Variants in PCCB observed in about 807,000 individuals in gnomAD.
The protein encoded by PCCB is propionyl-CoA carboxylase subunit beta.
PCCB carries 43 observed loss-of-function variants against 60.7 expected under a neutral mutation model. The ratio of observed to expected loss-of-function variants is 0.71; its 90% CI spans 0.55 to 0.91. PCCB has a LOEUF of 0.91. Among genes scored for constraint, PCCB ranks in the 40% least tolerant of loss-of-function variants. PCCB has a pLI of 0.00. For synonymous variants in PCCB, 276 were observed against 255.9 expected, an observed-to-expected ratio of 1.08 and a Z score of -0.75; for missense variants, 766 against 702.8, an observed-to-expected ratio of 1.09 and a Z score of -1.02.
chr3:136,257,240 G>T (rs117503243), intron 3 of PCCB, among the ~76,000 whole-genome samples: 1 of 152,274 alleles, frequency 6.6e-6, no homozygotes, highest in East Asian at 1.9e-4. Context: ...GAGGGAGGTA[G>T]AAGAGGAGCT....
chr3:136,321,095 C>T (rs550332939), intron 10 of PCCB, among the ~76,000 whole-genome samples: 1 of 152,168 alleles, frequency 6.6e-6, no homozygotes, highest in South Asian at 2.1e-4. Context: ...TTTGTCCTTC[C>T]TTTTGTTAAC....
intron 5 of PCCB, among the ~76,000 whole-genome samples, chr3:136,264,440 G>GTGTGTGTATATATATATATATATATA: frequency 1.6e-5 from 2 of 123,856 alleles, no homozygotes; most frequent in African/African-American, 6.0e-5. Context: ...ATGTGTGTGT[G>GTGTGTGTATATATATATATATATATA]TATATATGTA....
At position 136,302,316 on chromosome 3, in the gene PCCB, G is replaced by C. The variant is rs543244456; in HGVS notation, c.966+1205G>C. On this transcript the variant is annotated intron_variant, in intron 9 of 14. Coordinates refer to ENST00000251654, the MANE Select transcript of PCCB (RefSeq NM_000532.5). ...TCCAATCCTTCCCCTGGAAGTTGCA[G>C]TCTTTCAACAGACGCCAGAGTCAAA... Among the ~76,000 whole-genome samples, 2 of 121,888 alleles carry C rather than the reference G, an allele frequency of 1.6e-5. 1 individual carries two copies. The highest frequency in any genetic ancestry group is 6.5e-4 in the South Asian group (2 of 3,080). The allele number at this position is 121,888 out of a possible 152,430, so 80.0% of individuals were successfully genotyped here.
intron 10 of PCCB, among the ~76,000 whole-genome samples, chr3:136,318,385 A>C (rs553018): frequency 0.37 from 56,504 of 151,216 alleles, 12,464 homozygotes; most frequent in East Asian, 0.81. Context: ...CCACCTCCCC[A>C]AAAAAAAAAT....
chr3:136,311,023 G>A (rs1319939384), intron 9 of PCCB, among the ~76,000 whole-genome samples: 1 of 152,092 alleles, frequency 6.6e-6, no homozygotes, highest in Non-Finnish European at 1.5e-5. Context: ...AGTATAGGAT[G>A]CCCATTATTC....
rs755682937 is a variant in PCCB, at chr3:136,316,928, T to C, written c.967-13T>C. On this transcript the variant is annotated splice_polypyrimidine_tract_variant and intron_variant, in intron 9 of 14. Transcript: ENST00000251654. ...TTACCATTTTGAGCTCAGAAGTAAA[T>C]TTATTCCTGCAGGTTGTTGATGAGC... 7 of 1,613,880 alleles carry C rather than the reference T, an allele frequency of 4.3e-6. No homozygotes were observed. The highest frequency in any genetic ancestry group is 5.9e-6 in the Non-Finnish European group (7 of 1,179,816).
intron 5 of PCCB, among the ~76,000 whole-genome samples, chr3:136,267,845 C>T (rs1942046813): frequency 6.7e-6 from 1 of 149,224 alleles, no homozygotes; most frequent in Non-Finnish European, 1.5e-5. Context: ...ATCAAGTTTT[C>T]TTTTGTGGGT....
intron 6 of PCCB, among the ~76,000 whole-genome samples, chr3:136,288,195 C>G (rs1244882645): frequency 6.6e-6 from 1 of 152,084 alleles, no homozygotes; most frequent in Non-Finnish European, 1.5e-5. Context: ...AGAATGTAGT[C>G]TATCTTGGTG....
intron 9 of PCCB, among the ~76,000 whole-genome samples, chr3:136,301,825 A>G (rs1576342285): frequency 6.6e-6 from 1 of 152,118 alleles, no homozygotes; most frequent in East Asian, 1.9e-4. Context: ...TTAGCCTGAG[A>G]TGTAACCTTA....
intron 3 of PCCB, chr3:136,260,273 C>T: frequency 1.5e-6 from 1 of 652,960 alleles, no homozygotes; most frequent in East Asian, 2.8e-5. Context: ...ATACGGGCTT[C>T]TGCCATGTCG....
At position 136,301,304 on chromosome 3, in the gene PCCB, A is replaced by C. The variant is rs115273208; in HGVS notation, c.966+193A>C. On this transcript the variant is annotated intron_variant, in intron 9 of 14. Coordinates refer to ENST00000251654, the MANE Select transcript of PCCB (RefSeq NM_000532.5). ...AAGACCTAGTGGCTATAGATACCCT[A>C]GTGGCACAGATGGACTTGAGGGCTG... 1.6e-3 allele frequency among the ~76,000 whole-genome samples: 239 copies of C among 152,216 alleles called. 2 individuals are homozygous for C. Among genetic ancestry groups the C allele is most frequent in the African/African-American group, 5.6e-3 (231 of 41,528 alleles).
chr3:136,299,484 G>A (rs969891352), intron 8 of PCCB, among the ~76,000 whole-genome samples: 1 of 150,520 alleles, frequency 6.6e-6, no homozygotes, highest in Non-Finnish European at 1.5e-5. Flanking sequence ...GCATGTGTAT[G>A]TATGTATATG....
At chr3:136,251,235 T>G (rs1359681063) in intron 1 of PCCB, 1 of 456,602 alleles carries the variant, frequency 2.2e-6, no homozygotes, top group South Asian at 1.5e-5. Context: ...CCGCCTGGGT[T>G]TTGAGGCGAG....
At chr3:136,264,892 AAAAG>A (rs1423348853) in intron 5 of PCCB, among the ~76,000 whole-genome samples, 1 of 147,398 alleles carries the variant, frequency 6.8e-6, no homozygotes, top group African/African-American at 2.5e-5. Flanking sequence ...AAAAAAAAAA[AAAAG>A]AGCTTAATGC....
intron 7 of PCCB, 23 bp from the exon 8 acceptor site, chr3:136,297,929 A>G (rs558665823): frequency 5.0e-6 from 8 of 1,613,972 alleles, no homozygotes; most frequent in Non-Finnish European, 5.1e-6. Context: ...TGACTCAATC[A>G]TATATGCTCC....
chr3:136,318,430 CTGTT>C (rs1342455125), intron 10 of PCCB, among the ~76,000 whole-genome samples: 2 of 152,188 alleles, frequency 1.3e-5, no homozygotes, highest in Non-Finnish European at 1.5e-5. Flanking sequence ...CAAAATATGT[CTGTT>C]TGGCCCATTT....
chr3:136,313,383 G>A (rs1047424612), intron 9 of PCCB, among the ~76,000 whole-genome samples: 1 of 152,184 alleles, frequency 6.6e-6, no homozygotes, highest in African/African-American at 2.4e-5. Context: ...ACACAGTACA[G>A]TACTATGCAG....
rs1344127314 is a variant in PCCB, at chr3:136,291,136, TTTTG to T, written c.655-2612_655-2609del. On this transcript the variant is annotated intron_variant, in intron 6 of 14. Transcript: ENST00000251654. ...TCTATCCATGAGAGCCCTTAAACCA[TTTTG>T]TTTGTTTTTGTTTTTTGAGATGGAG... is the stretch of plus-strand genomic sequence containing the variant. Among the ~76,000 whole-genome samples, 9 of 152,106 alleles carry T rather than the reference TTTTG, an allele frequency of 5.9e-5. No homozygotes were observed. The South Asian group carries it at 1.2e-3, about 21-fold the overall frequency.
At chr3:136,266,167 G>C (rs2686559) in intron 5 of PCCB, among the ~76,000 whole-genome samples, 2 of 135,104 alleles carry the variant, frequency 1.5e-5, no homozygotes, top group Non-Finnish European at 3.2e-5. Context: ...CTCACTCTGT[G>C]GCCCAGGCTG....
Sources: allele counts gnomAD v4.1 joint callset (sites outside exome capture counted in the v4.1 genomes callset), GRCh38; gene constraint gnomAD v4.1.1; transcripts MANE v1.5; gene names NCBI Gene and HGNC (gene_info 2026-07-23, HGNC 2026-07-21).